NOX4: variants seen among roughly 807,000 people sequenced by gnomAD.
The protein encoded by NOX4 is kidney oxidase-1.
A neutral mutation model predicts 87.6 loss-of-function variants in NOX4; 69 were observed. The ratio of observed to expected loss-of-function variants is 0.79; its 90% CI spans 0.65 to 0.96. NOX4 has a LOEUF of 0.96. NOX4 is among the 40% of genes least tolerant of loss of function. NOX4 has a pLI of 0.00. For synonymous variants in NOX4, 275 were observed against 238.2 expected, an observed-to-expected ratio of 1.15 and a Z score of -1.42; for missense variants, 680 against 681.5, an observed-to-expected ratio of 1.00 and a Z score of 0.02.
rs1390737339 is a variant in NOX4, at chr11:89,324,888, A to G, written c.*1868T>C. ...CCATAGAAAGGAGAATTTCAAGGAA[A>G]GGAAGAAATATCTACAAGTAAATAT... On this transcript the variant is annotated 3_prime_UTR_variant, in exon 18 of 18. Coordinates refer to ENST00000263317, the MANE Select transcript of NOX4 (RefSeq NM_016931.5). 1.7e-4 allele frequency: 26 copies of G among 152,130 alleles called. No homozygotes were observed. Among genetic ancestry groups the G allele is most frequent in the Admixed American group, 1.7e-3 (26 of 15,272 alleles). The allele number at this position is 152,130 out of a possible 1,614,324, so 9.4% of individuals were successfully genotyped here.
chr11:89,442,852 G>T (rs1944515727), intron 5 of NOX4, among the ~76,000 whole-genome samples: 1 of 152,040 alleles, frequency 6.6e-6, no homozygotes, highest in Non-Finnish European at 1.5e-5. Flanking sequence ...TTAAAGACAT[G>T]AATTCTGAAA....
rs537156998 is a variant in NOX4 at position 89,357,503 on chromosome 11, A to G, written c.1136-2460T>C. Reference sequence around the variant, plus strand: ...CCCTTGGTTTTCAGTCTACTTGCCAATTTATGCAGTACTCATTAAATGAGT... The same window carrying G: ...CCCTTGGTTTTCAGTCTACTTGCCAGTTTATGCAGTACTCATTAAATGAGT... On this transcript the variant is annotated intron_variant, in intron 12 of 17. Coordinates refer to ENST00000263317, the MANE Select transcript of NOX4 (RefSeq NM_016931.5). Among the ~76,000 whole-genome samples the G allele has an allele frequency of 2.5e-3, 386 of 152,218 alleles. 2 individuals are homozygous for G. Among genetic ancestry groups the G allele is most frequent in the African/African-American group, 9.1e-3 (379 of 41,548 alleles).
the NOX4 span, among the ~76,000 whole-genome samples, chr11:89,547,129 T>C: frequency 3.9e-5 from 6 of 152,270 alleles, no homozygotes; most frequent in Admixed American, 3.9e-4. Flanking sequence ...CAGCCTTTCC[T>C]CTCATCCTTT....
chr11:89,444,990 C>T (rs984829240), intron 4 of NOX4, among the ~76,000 whole-genome samples: 1 of 151,998 alleles, frequency 6.6e-6, no homozygotes, highest in African/African-American at 2.4e-5. Flanking sequence ...GTGCACGGGC[C>T]CATCACACCT....
the NOX4 span, among the ~76,000 whole-genome samples, chr11:89,504,834 G>T: frequency 5.2e-4 from 79 of 152,052 alleles, no homozygotes; most frequent in Admixed American, 1.5e-3. Flanking sequence ...ATGTTAGAAA[G>T]ATCTTCTTGA....
At chr11:89,359,274 G>A (rs1289188185) in intron 12 of NOX4, among the ~76,000 whole-genome samples, 1 of 151,444 alleles carries the variant, frequency 6.6e-6, no homozygotes, top group African/African-American at 2.4e-5. Flanking sequence ...TGACCAAGAT[G>A]TTTCATTTTC....
chr11:89,515,799 C>A, the NOX4 span, among the ~76,000 whole-genome samples: 9 of 152,042 alleles, frequency 5.9e-5, no homozygotes, highest in South Asian at 1.7e-3. Context: ...GCAATATTTG[C>A]TTAAAAGTAA....
chr11:89,353,262 C>A (rs950746929), intron 13 of NOX4, among the ~76,000 whole-genome samples: 2 of 152,172 alleles, frequency 1.3e-5, no homozygotes, highest in African/African-American at 2.4e-5. Context: ...GCATCACATG[C>A]TACAGAGAAA....
the NOX4 span, among the ~76,000 whole-genome samples, chr11:89,549,035 G>A: frequency 6.6e-6 from 1 of 152,162 alleles, no homozygotes; most frequent in Non-Finnish European, 1.5e-5. Context: ...ATTGGAGAAT[G>A]TTTCAAAAGC....
At chr11:89,374,548 G>C (rs138078118) in intron 11 of NOX4, among the ~76,000 whole-genome samples, 553 of 152,230 alleles carry the variant, frequency 3.6e-3, no homozygotes, top group African/African-American at 0.013. Flanking sequence ...TTACAGAGTT[G>C]TCTTTTATAG....
At chr11:89,562,711 G>C in the NOX4 span, among the ~76,000 whole-genome samples, 1 of 152,014 alleles carries the variant, frequency 6.6e-6, no homozygotes, top group Admixed American at 6.6e-5. Flanking sequence ...TTGAAGAATG[G>C]GCTCCTCCTT....
chr11:89,496,206 G>A (rs1158227103), upstream of NOX4, among the ~76,000 whole-genome samples: 1 of 152,056 alleles, frequency 6.6e-6, no homozygotes, highest in Non-Finnish European at 1.5e-5. Context: ...CAGTCATTTA[G>A]GAATGTCTAC....
Position 89,354,949 on chromosome 11 carries a change from T to A in NOX4, c.1217+13A>T. The A allele has an allele frequency of 6.5e-7, 1 of 1,550,384 alleles. No homozygotes were observed. Among genetic ancestry groups the A allele is most frequent in the Non-Finnish European group, 8.9e-7 (1 of 1,125,984 alleles). ...ATTGCCTCATCAAAACCCAGTGAAC[T>A]CCTTTTGCTTACTTGGGATAATTTC... On this transcript the variant is annotated intron_variant, in intron 13 of 17. Transcript: ENST00000263317.
chr11:89,454,935 T>G (rs990218269), intron 2 of NOX4, among the ~76,000 whole-genome samples: 11 of 152,176 alleles, frequency 7.2e-5, no homozygotes, highest in Non-Finnish European at 5.9e-5. Flanking sequence ...AAAGGAATTC[T>G]GTACCCTGGA....
chr11:89,345,809 A>C (rs1168846546), intron 13 of NOX4, among the ~76,000 whole-genome samples: 2 of 152,174 alleles, frequency 1.3e-5, no homozygotes, highest in Non-Finnish European at 2.9e-5. Flanking sequence ...AAATAATAAG[A>C]GCCATCTATG....
intron 11 of NOX4, among the ~76,000 whole-genome samples, chr11:89,381,359 T>A (rs1323596384): frequency 1.3e-5 from 2 of 152,120 alleles, no homozygotes; most frequent in African/African-American, 2.4e-5. Flanking sequence ...CTGAAGTAAC[T>A]GAAGAGTCAC....
the NOX4 span, among the ~76,000 whole-genome samples, chr11:89,516,605 G>A: frequency 6.6e-6 from 1 of 152,132 alleles, no homozygotes; most frequent in South Asian, 2.1e-4. Context: ...TTCAAGTGTA[G>A]GCTCCTATCT....
chr11:89,370,795 A>G (rs1939379478), intron 12 of NOX4, among the ~76,000 whole-genome samples: 1 of 151,978 alleles, frequency 6.6e-6, no homozygotes, highest in African/African-American at 2.4e-5. Context: ...TAGACAACAA[A>G]TATGAGACTT....
At chr11:89,344,712 G>T (rs192129497) in intron 13 of NOX4, among the ~76,000 whole-genome samples, 1 of 152,032 alleles carries the variant, frequency 6.6e-6, no homozygotes, top group African/African-American at 2.4e-5. Flanking sequence ...ACTTTCATAG[G>T]AAAGTATAAT....
Sources: allele counts gnomAD v4.1 joint callset (sites outside exome capture counted in the v4.1 genomes callset), GRCh38; gene constraint gnomAD v4.1.1; transcripts MANE v1.5; gene names NCBI Gene and HGNC (gene_info 2026-07-23, HGNC 2026-07-21).